The following RALYL variants were observed in gnomAD, a reference collection of about 807,000 sequenced individuals.
The protein encoded by RALYL is RALY RNA binding protein like, also known as RNA-binding Raly-like protein.
Under a neutral mutation model 35.1 loss-of-function variants are expected in RALYL, and 29 were observed. That is an observed-to-expected ratio of 0.83 (90% CI 0.61 to 1.13). The LOEUF is 1.13. Among genes scored for constraint, RALYL ranks in the 50% most tolerant of loss-of-function variants. The pLI, the probability that RALYL is intolerant of heterozygous loss-of-function variation, is 0.00. For synonymous variants in RALYL, 120 were observed against 127.6 expected, an observed-to-expected ratio of 0.94 and a Z score of 0.40; for missense variants, 359 against 360.4, an observed-to-expected ratio of 1.00 and a Z score of 0.03.
chr8:84,649,927 T>C (rs2131501296), intron 2 of RALYL, among the ~76,000 whole-genome samples: 1 of 152,238 alleles, frequency 6.6e-6, no homozygotes, highest in South Asian at 2.1e-4. Flanking sequence ...GGAATGTTCT[T>C]CCATTTCTTT....
intron 1 of RALYL, among the ~76,000 whole-genome samples, chr8:84,442,201 C>T (rs1198396335): frequency 1.3e-5 from 2 of 152,016 alleles, no homozygotes; most frequent in Non-Finnish European, 2.9e-5. Context: ...TCTTGTTATA[C>T]TCATTTTTGT....
chr8:84,247,676 A>G (rs1173278496), intron 1 of RALYL, among the ~76,000 whole-genome samples: 1 of 152,132 alleles, frequency 6.6e-6, no homozygotes, highest in Non-Finnish European at 1.5e-5. Context: ...TCTAAAAAGA[A>G]TTTCTTGTAT....
chr8:84,674,358 C>T (rs998734996), intron 2 of RALYL, among the ~76,000 whole-genome samples: 1 of 152,104 alleles, frequency 6.6e-6, no homozygotes, highest in Non-Finnish European at 1.5e-5. Flanking sequence ...TATTTGAATG[C>T]CTTTATTTCT....
chr8:84,698,144 G>C (rs1354420397), intron 2 of RALYL, among the ~76,000 whole-genome samples: 1 of 152,042 alleles, frequency 6.6e-6, no homozygotes, highest in Non-Finnish European at 1.5e-5. Flanking sequence ...TTTCTTGCAA[G>C]CTCTTTGAAC....
At chr8:84,406,338 A>G (rs2043493752) in intron 1 of RALYL, among the ~76,000 whole-genome samples, 1 of 152,130 alleles carries the variant, frequency 6.6e-6, no homozygotes, top group Admixed American at 6.5e-5. Flanking sequence ...AATTTTCAGG[A>G]TTTAGGAAGT....
At chr8:84,207,937 AG>A (rs1031234037) in intron 1 of RALYL, among the ~76,000 whole-genome samples, 2 of 152,050 alleles carry the variant, frequency 1.3e-5, no homozygotes, top group Admixed American at 6.6e-5. Context: ...TAGGGAAAAA[AG>A]TTTCATCAAA....
intron 1 of RALYL, among the ~76,000 whole-genome samples, chr8:84,299,616 C>T (rs960104404): frequency 7.9e-5 from 12 of 151,682 alleles, no homozygotes; most frequent in East Asian, 3.9e-4. Flanking sequence ...CCTGGTTGGT[C>T]GGCTTTTAAT....
chr8:84,551,573 C>T (rs1224632333), intron 2 of RALYL, among the ~76,000 whole-genome samples: 1 of 151,830 alleles, frequency 6.6e-6, no homozygotes, highest in Non-Finnish European at 1.5e-5. Flanking sequence ...TAGGTAAGCA[C>T]ATTCTAGTTA....
Position 84,822,064 on chromosome 8 carries a change from A to G in RALYL, c.365+17262A>G, listed in dbSNP as rs566171481. Among the ~76,000 whole-genome samples the G allele has an allele frequency of 5.8e-4, 88 of 152,304 alleles. 1 individual carries two copies. The South Asian group carries it at 0.017, about 29-fold the overall frequency. Reference sequence around the variant, plus strand: ...CCAACTACAGTTTCCCCCTAGCTTCAATTAAAAGCATATAAAAGATGAAAC... The same window carrying G: ...CCAACTACAGTTTCCCCCTAGCTTCGATTAAAAGCATATAAAAGATGAAAC... On this transcript the variant is annotated intron_variant, in intron 4 of 8. Coordinates refer to ENST00000521268, the MANE Select transcript of RALYL (RefSeq NM_173848.7).
chr8:84,306,463 T>C (rs750765902), intron 1 of RALYL, among the ~76,000 whole-genome samples: 10 of 152,156 alleles, frequency 6.6e-5, no homozygotes, highest in Admixed American at 6.5e-4. Context: ...CATGGATTCA[T>C]TGGCACACCT....
chr8:84,290,113 T>C (rs548129490), intron 1 of RALYL, among the ~76,000 whole-genome samples: 1 of 152,212 alleles, frequency 6.6e-6, no homozygotes, highest in African/African-American at 2.4e-5. Flanking sequence ...AATATTTTAC[T>C]GTATACATCA....
chr8:84,317,621 A>T (rs978645059), intron 1 of RALYL, among the ~76,000 whole-genome samples: 1 of 152,254 alleles, frequency 6.6e-6, no homozygotes, highest in African/African-American at 2.4e-5. Flanking sequence ...TGATTAGCTT[A>T]GTTAAGCACA....
chr8:84,470,651 T>C (rs2052612408), intron 1 of RALYL, among the ~76,000 whole-genome samples: 3 of 152,208 alleles, frequency 2.0e-5, no homozygotes, highest in African/African-American at 7.2e-5. Flanking sequence ...TGCTGCTTAT[T>C]TTCCCCAGTG....
At chr8:84,197,764 C>A (rs1815722435) in intron 1 of RALYL, among the ~76,000 whole-genome samples, 1 of 141,498 alleles carries the variant, frequency 7.1e-6, no homozygotes, top group Non-Finnish European at 1.5e-5. Context: ...CCCCATTCTC[C>A]AGAAAAAGGA....
chr8:84,261,388 C>G (rs1832275623), intron 1 of RALYL, among the ~76,000 whole-genome samples: 2 of 152,172 alleles, frequency 1.3e-5, no homozygotes, highest in Admixed American at 6.5e-5. Context: ...ATCCTTTCCT[C>G]CTTATAGTAA....
intron 2 of RALYL, among the ~76,000 whole-genome samples, chr8:84,669,762 GAGA>G (rs566471480): frequency 4.8e-4 from 73 of 152,054 alleles, no homozygotes; most frequent in African/African-American, 1.7e-3. Context: ...ATTACTAATG[GAGA>G]AGGTGTGTCC....
intron 4 of RALYL, among the ~76,000 whole-genome samples, chr8:84,812,590 C>T (rs182438261): frequency 5.9e-5 from 9 of 152,200 alleles, no homozygotes; most frequent in Non-Finnish European, 1.0e-4. Context: ...GGCTCTCCTT[C>T]GATGGGTCTT....
At chr8:84,890,472 A>T (rs1843630275) in intron 8 of RALYL, among the ~76,000 whole-genome samples, 1 of 152,236 alleles carries the variant, frequency 6.6e-6, no homozygotes, top group Admixed American at 6.5e-5. Context: ...TGGCAGTGTT[A>T]GTAGCCAGTT....
At chr8:84,691,258 G>A (rs1282225228) in intron 2 of RALYL, among the ~76,000 whole-genome samples, 1 of 152,008 alleles carries the variant, frequency 6.6e-6, no homozygotes. Context: ...GAAAGCCAAA[G>A]GGACTTTGGT....
Sources: gnomAD v4.1 joint callset for allele counts (sites outside exome capture counted in the v4.1 genomes callset) on GRCh38, gnomAD v4.1.1 for gene constraint, MANE v1.5 for transcripts, NCBI Gene and HGNC (gene_info 2026-07-23, HGNC 2026-07-21) for gene names.